MND1: variants seen among roughly 807,000 people sequenced by gnomAD.
MND1 encodes the protein meiotic nuclear division protein 1 homolog.
MND1 carries 28 observed loss-of-function variants against 35.1 expected under a neutral mutation model. The ratio of observed to expected loss-of-function variants is 0.80; its 90% CI spans 0.59 to 1.09. The LOEUF is 1.09. Among genes scored for constraint, MND1 ranks in the 50% least tolerant of loss-of-function variants. MND1 has a pLI of 0.00. For synonymous variants in MND1, 69 were observed against 70.5 expected (o/e 0.98, Z 0.11); for missense variants, 213 against 239.6 (o/e 0.89, Z 0.73).
intron 6 of MND1, 148 bp downstream of exon 6, chr4:153,397,481 T>G (rs1375609271): frequency 1.7e-6 from 1 of 573,392 alleles, no homozygotes; most frequent in Non-Finnish European, 3.0e-6. Context: ...AATTTTGTAT[T>G]TGTAACATAG....
intron 4 of MND1, among the ~76,000 whole-genome samples, chr4:153,390,354 T>G (rs1199647755): frequency 6.6e-6 from 1 of 152,186 alleles, no homozygotes; most frequent in African/African-American, 2.4e-5. Flanking sequence ...TTTAATAACA[T>G]CATTTGGATT....
chr4:153,364,258 G>A (rs908313558), intron 4 of MND1, among the ~76,000 whole-genome samples: 1 of 151,722 alleles, frequency 6.6e-6, no homozygotes, highest in Admixed American at 6.6e-5. Context: ...GTGTGCATCT[G>A]TGGTCTCAGC....
intron 7 of MND1, among the ~76,000 whole-genome samples, chr4:153,410,227 T>A (rs893949300): frequency 1.3e-5 from 2 of 152,180 alleles, no homozygotes; most frequent in Non-Finnish European, 2.9e-5. Context: ...AAAAAGTTCA[T>A]GTTTTCCAAT....
At chr4:153,408,408 T>C (rs1729580646) in intron 6 of MND1, among the ~76,000 whole-genome samples, 1 of 152,246 alleles carries the variant, frequency 6.6e-6, no homozygotes, top group Non-Finnish European at 1.5e-5. Flanking sequence ...ATGGCATTGT[T>C]ACATGCTGTG....
intron 6 of MND1, among the ~76,000 whole-genome samples, chr4:153,408,066 C>T (rs1729572028): frequency 6.6e-6 from 1 of 152,064 alleles, no homozygotes; most frequent in Non-Finnish European, 1.5e-5. Flanking sequence ...CACTTGAGGC[C>T]AGGAGTTGGA....
At chr4:153,400,599 C>G (rs958013723) in intron 6 of MND1, among the ~76,000 whole-genome samples, 13 of 152,136 alleles carry the variant, frequency 8.5e-5, no homozygotes, top group African/African-American at 3.1e-4. Flanking sequence ...TATTACCTTT[C>G]TACTTGAGAG....
chr4:153,403,706 T>C (rs1729407062), intron 6 of MND1, among the ~76,000 whole-genome samples: 1 of 152,046 alleles, frequency 6.6e-6, no homozygotes, highest in Non-Finnish European at 1.5e-5. Flanking sequence ...GTTCAAGTGA[T>C]TCTCGTGCCT....
intron 4 of MND1, among the ~76,000 whole-genome samples, chr4:153,363,522 G>GT (rs1773551052): frequency 6.6e-6 from 1 of 152,084 alleles, no homozygotes; most frequent in Non-Finnish European, 1.5e-5. Context: ...TTATTTTATT[G>GT]TTTTATTCAT....
At position 153,397,225 on chromosome 4, in the gene MND1, C is replaced by A. The variant is rs766257104; in HGVS notation, c.358C>A (p.Arg120=). The A allele has an allele frequency of 1.2e-6, 2 of 1,609,344 alleles. No homozygotes were observed. The highest frequency in any genetic ancestry group is 1.1e-5 in the South Asian group (1 of 90,196). ...AAAACTATCTGGAATGCAGGAAGAGCGAACCAGGCTAGCAAAAGAGCTTTC... is the reference window on the plus strand; with the variant it reads ...AAAACTATCTGGAATGCAGGAAGAGAGAACCAGGCTAGCAAAAGAGCTTTC... ...AKIGRCETEE[R]TRLAKELSSL... is the part of the protein sequence containing the mutation. The change falls in exon 6 of 8, where the codon CGA becomes AGA. Residue 120 remains arginine, a synonymous_variant. Coordinates refer to ENST00000240488, the MANE Select transcript of MND1 (RefSeq NM_032117.4).
intron 4 of MND1, among the ~76,000 whole-genome samples, chr4:153,385,853 T>C (rs926586888): frequency 6.6e-6 from 1 of 152,166 alleles, no homozygotes; most frequent in African/African-American, 2.4e-5. Flanking sequence ...GCTTTCTTCA[T>C]GATGACAAGG....
chr4:153,355,362 G>T (rs1773314846), intron 2 of MND1, among the ~76,000 whole-genome samples: 1 of 152,008 alleles, frequency 6.6e-6, no homozygotes, highest in Non-Finnish European at 1.5e-5. Flanking sequence ...ATATAAATAT[G>T]TAGTAGAACA....
chr4:153,344,871 T>C (rs1371047584), intron 1 of MND1, 131 bp downstream of exon 1: 3 of 1,459,020 alleles, frequency 2.1e-6, no homozygotes, highest in Non-Finnish European at 2.8e-6. Context: ...CGCCCGGCTC[T>C]CGGCCTCACC....
intron 6 of MND1, among the ~76,000 whole-genome samples, chr4:153,407,227 G>A (rs1013154022): frequency 2.0e-5 from 3 of 152,238 alleles, no homozygotes; most frequent in Non-Finnish European, 4.4e-5. Context: ...ACTTTGGGAG[G>A]CCGAGGCAGG....
At position 153,345,567 on chromosome 4, in the gene MND1, C is replaced by A. The variant is rs972382329; in HGVS notation, c.3+827C>A. ...TCATCAAATCATTTTCATAAACCTT[C>A]AAAGTTTCATGCCGTTTTTTCTGCT... On this transcript the variant is annotated intron_variant, in intron 1 of 7. Transcript: ENST00000240488. 9 of 982,666 alleles carry A rather than the reference C, an allele frequency of 9.2e-6. No individual in the cohort carries two copies. The Admixed American group carries it at 3.7e-4, about 40-fold the overall frequency. The allele number at this position is 982,666 out of a possible 1,614,324, so 60.9% of individuals were successfully genotyped here. A position where few individuals can be genotyped will look rare whatever the true frequency, so the allele number is the denominator to read the frequency against.
intron 4 of MND1, among the ~76,000 whole-genome samples, chr4:153,384,074 T>C (rs1311740734): frequency 3.9e-5 from 6 of 152,186 alleles, no homozygotes; most frequent in Non-Finnish European, 7.3e-5. Context: ...TCTAACTGGA[T>C]TCTGCGTAAG....
intron 7 of MND1, among the ~76,000 whole-genome samples, chr4:153,412,395 A>G (rs1729707651): frequency 3.3e-5 from 5 of 152,114 alleles, no homozygotes; most frequent in Admixed American, 3.3e-4. Context: ...TTCAAGATCA[A>G]GATGTTGGCA....
chr4:153,400,579 C>T (rs1322540220), intron 6 of MND1, among the ~76,000 whole-genome samples: 1 of 152,038 alleles, frequency 6.6e-6, no homozygotes, highest in Non-Finnish European at 1.5e-5. Context: ...AAGTTTTCTT[C>T]CTCCAGTTTT....
intron 4 of MND1, among the ~76,000 whole-genome samples, chr4:153,359,385 G>T (rs1393151603): frequency 2.0e-5 from 3 of 152,090 alleles, no homozygotes; most frequent in Non-Finnish European, 1.5e-5. Context: ...TTTTATTGCT[G>T]AATAATATTT....
chr4:153,369,975 C>T (rs1172621322), intron 4 of MND1, among the ~76,000 whole-genome samples: 1 of 152,056 alleles, frequency 6.6e-6, no homozygotes, highest in East Asian at 1.9e-4. Flanking sequence ...ACTTTCTTTG[C>T]TCATCTATAA....
Sources: allele counts gnomAD v4.1 joint callset (sites outside exome capture counted in the v4.1 genomes callset), GRCh38; gene constraint gnomAD v4.1.1; transcripts MANE v1.5; gene names NCBI Gene and HGNC (gene_info 2026-07-23, HGNC 2026-07-21).